Variants in NTRK3 observed in about 807,000 individuals in gnomAD.
NTRK3 encodes the protein neurotrophic receptor tyrosine kinase 3, also known as NT-3 growth factor receptor.
A neutral mutation model predicts 91.7 loss-of-function variants in NTRK3; 24 were observed. The ratio of observed to expected loss-of-function variants is 0.26; its 90% CI spans 0.19 to 0.37. The LOEUF is 0.37. Ranked by LOEUF, NTRK3 falls within the 10% of genes least tolerant of loss-of-function variation. The pLI, the probability that NTRK3 is intolerant of heterozygous loss-of-function variation, is 1.00. For synonymous variants in NTRK3, 483 were observed against 404.0 expected (o/e 1.20, Z -2.34); for missense variants, 880 against 1,068.9 (o/e 0.82, Z 2.46).
chr15:87,909,660 A>G (rs1261745983), intron 17 of NTRK3, among the ~76,000 whole-genome samples: 4 of 152,198 alleles, frequency 2.6e-5, no homozygotes, highest in Non-Finnish European at 5.9e-5. Flanking sequence ...ATTATGGGGA[A>G]GTCCTAACCC....
In NTRK3 at chr15:88,040,481, C is replaced by A. The variant is rs140319701; in HGVS notation, c.1397-7436G>T. On this transcript the variant is annotated intron_variant, in intron 13 of 18. Coordinates refer to ENST00000394480, the Ensembl canonical transcript of NTRK3. ...CAAAAAATGAAGGAGGAAAAAGGAG[C>A]GGCCTCCCAGGGAATACACTGATAC... Among the ~76,000 whole-genome samples the A allele has an allele frequency of 2.9e-3, 448 of 152,260 alleles. 1 individual carries two copies. The highest frequency in any genetic ancestry group is 1.0e-2 in the African/African-American group (415 of 41,558).
intron 15 of NTRK3, among the ~76,000 whole-genome samples, chr15:87,939,797 A>T (rs1009904984): frequency 6.6e-6 from 1 of 152,212 alleles, no homozygotes; most frequent in African/African-American, 2.4e-5. Context: ...GCGTGCCTCC[A>T]TGAGGCTACT....
At chr15:87,891,482 C>G (rs2065855708) in intron 17 of NTRK3, among the ~76,000 whole-genome samples, 1 of 152,222 alleles carries the variant, frequency 6.6e-6, no homozygotes, top group African/African-American at 2.4e-5. Flanking sequence ...TGTCCCATCT[C>G]TGCTCAGTCT....
chr15:88,008,655 A>C (rs896100116), intron 14 of NTRK3, among the ~76,000 whole-genome samples: 1 of 151,852 alleles, frequency 6.6e-6, no homozygotes, highest in Non-Finnish European at 1.5e-5. Flanking sequence ...GTCTCCTGAC[A>C]CTCAAGGCTC....
chr15:87,981,101 G>T, intron 14 of NTRK3: 1 of 1,423,874 alleles, frequency 7.0e-7, no homozygotes, highest in Non-Finnish European at 9.6e-7. Context: ...CCCGTGCTGG[G>T]CACCTAGTCG....
At chr15:88,063,355 C>G (rs925395087) in intron 13 of NTRK3, among the ~76,000 whole-genome samples, 4 of 152,248 alleles carry the variant, frequency 2.6e-5, no homozygotes, top group African/African-American at 9.6e-5. Context: ...CTGTCCTGTT[C>G]TCTCAAGTCT....
intron 17 of NTRK3, among the ~76,000 whole-genome samples, chr15:87,889,856 T>G (rs1255881955): frequency 6.6e-6 from 1 of 151,952 alleles, no homozygotes; most frequent in Non-Finnish European, 1.5e-5. Context: ...TTTTGAAAGT[T>G]GGATCCAGAA....
intron 14 of NTRK3, chr15:87,979,402 A>G (rs1248678672): frequency 6.2e-7 from 1 of 1,614,094 alleles, no homozygotes; most frequent in Non-Finnish European, 8.5e-7. Flanking sequence ...CATAGATGCC[A>G]TGGTTAAGAG....
intron 5 of NTRK3, among the ~76,000 whole-genome samples, chr15:88,158,789 G>A (rs1005307708): frequency 1.1e-4 from 17 of 152,120 alleles, no homozygotes; most frequent in African/African-American, 3.9e-4. Flanking sequence ...GGAGGTGGAG[G>A]CCAGGCCTGG....
At chr15:87,945,574 C>T (rs1392119550) in intron 14 of NTRK3, among the ~76,000 whole-genome samples, 1 of 152,060 alleles carries the variant, frequency 6.6e-6, no homozygotes, top group African/African-American at 2.4e-5. Context: ...CCTCATCCTA[C>T]CTCTGTTCCC....
chr15:87,895,673 C>T (rs1411721015), intron 17 of NTRK3, among the ~76,000 whole-genome samples: 1 of 152,104 alleles, frequency 6.6e-6, no homozygotes, highest in African/African-American at 2.4e-5. Context: ...GAGCCAGGCA[C>T]CCTTTTAGGT....
Position 87,993,516 on chromosome 15 carries a change from T to C in NTRK3, c.1585+39341A>G, listed in dbSNP as rs568311764. ...TACATCAGTAGAGAAGAATAGTTCT[T>C]CACCTTTCTTTGGGTCCTTTTTAAT... On this transcript the variant is annotated intron_variant, in intron 14 of 18. Transcript: ENST00000394480. 2.0e-5 allele frequency among the ~76,000 whole-genome samples: 3 copies of C among 152,274 alleles called. No homozygotes were observed. In the South Asian group the frequency reaches 6.2e-4, roughly 32 times the overall value.
intron 13 of NTRK3, among the ~76,000 whole-genome samples, chr15:88,073,144 C>G (rs1020590757): frequency 2.6e-5 from 4 of 152,160 alleles, no homozygotes; most frequent in Non-Finnish European, 4.4e-5. Flanking sequence ...GTTCTCAGAC[C>G]AGCAGCATCA....
chr15:88,151,725 G>A (rs1331078423), intron 5 of NTRK3, among the ~76,000 whole-genome samples: 1 of 152,214 alleles, frequency 6.6e-6, no homozygotes, highest in Non-Finnish European at 1.5e-5. Flanking sequence ...GGAAGGATTT[G>A]TGGATTTCCT....
At chr15:88,197,251 C>T (rs2047920267) in intron 3 of NTRK3, among the ~76,000 whole-genome samples, 2 of 152,106 alleles carry the variant, frequency 1.3e-5, no homozygotes, top group South Asian at 4.1e-4. Flanking sequence ...AGATTCAAGT[C>T]CCATCAGTCC....
rs2053999128 is a variant in NTRK3, at chr15:88,255,832, T to C, written c.248+74A>G. Reference sequence around the variant, plus strand: ...GAGCTGGGGCGGGCGGAGGGCCGGCTCCCGGCCGCGGGTGGGCAGGAGGGA... The same window carrying C: ...GAGCTGGGGCGGGCGGAGGGCCGGCCCCCGGCCGCGGGTGGGCAGGAGGGA... On this transcript the variant is annotated intron_variant, in intron 3 of 18. Coordinates refer to ENST00000394480, the Ensembl canonical transcript of NTRK3. This position sits in a 1 kb window ranked among gnomAD's most constrained non-coding sequence, Gnocchi z 4.3. The C allele has an allele frequency of 7.3e-7, 1 of 1,364,626 alleles. No individual in the cohort carries two copies. The highest frequency in any genetic ancestry group is 1.5e-5 in the African/African-American group (1 of 66,766). 84.5% of individuals were successfully genotyped at this position (1,364,626 alleles called of 1,614,324 possible).
intron 14 of NTRK3, among the ~76,000 whole-genome samples, chr15:88,019,658 T>A (rs2077471606): frequency 1.3e-5 from 2 of 152,152 alleles, no homozygotes. Context: ...CCCTAGTCCA[T>A]GTGTTTGGTT....
chr15:88,043,829 G>T (rs995389521), intron 13 of NTRK3, among the ~76,000 whole-genome samples: 1 of 152,152 alleles, frequency 6.6e-6, no homozygotes, highest in Non-Finnish European at 1.5e-5. Flanking sequence ...GGAGGAACTT[G>T]GGGTCTTATA....
At position 88,240,769 on chromosome 15, in the gene NTRK3, A is replaced by C. The variant is rs2052271497; in HGVS notation, c.248+15137T>G. Among the ~76,000 whole-genome samples the C allele has an allele frequency of 6.6e-6, 1 of 152,190 alleles. No homozygotes were observed. The highest frequency in any genetic ancestry group is 2.4e-5 in the African/African-American group (1 of 41,432). On this transcript the variant is annotated intron_variant, in intron 3 of 18. Coordinates refer to ENST00000394480, the Ensembl canonical transcript of NTRK3. This position sits in a 1 kb window ranked among gnomAD's most constrained non-coding sequence, Gnocchi z 4.9. ...GCGGGTTAAAATAAAAGTCCCCTTA[A>C]AGGAGCCCCCAGAGCAGTCATCACA... is the stretch of plus-strand genomic sequence containing the variant.
Sources: allele counts gnomAD v4.1 joint callset (sites outside exome capture counted in the v4.1 genomes callset), GRCh38; gene constraint gnomAD v4.1.1; non-coding constraint Gnocchi (gnomAD v3.1); transcripts MANE v1.5; gene names NCBI Gene and HGNC (gene_info 2026-07-23, HGNC 2026-07-21).